Variants in INPP4B observed in about 807,000 individuals in gnomAD.
INPP4B encodes inositol polyphosphate-4-phosphatase type II B, also known as inositol polyphosphate 4-phosphatase type II.
In INPP4B, 55 loss-of-function variants were observed where a neutral mutation model predicts 122.5. That is an observed-to-expected ratio of 0.45 (90% CI 0.36 to 0.56). INPP4B has a LOEUF of 0.56. Among genes scored for constraint, INPP4B ranks in the 20% least tolerant of loss-of-function variants. The pLI is 0.00. For synonymous variants in INPP4B, 403 were observed against 388.7 expected (o/e 1.04, Z -0.43); for missense variants, 1,000 against 1,097.7 (o/e 0.91, Z 1.26).
At chr4:142,545,443 A>T (rs2150050126) in intron 2 of INPP4B, among the ~76,000 whole-genome samples, 1 of 152,220 alleles carries the variant, frequency 6.6e-6, no homozygotes, top group Non-Finnish European at 1.5e-5. Flanking sequence ...AGCTAGTACT[A>T]TGTGACAGAT....
chr4:142,764,597 GA>G (rs1347636572), intron 1 of INPP4B, among the ~76,000 whole-genome samples: 1 of 152,112 alleles, frequency 6.6e-6, no homozygotes, highest in Admixed American at 6.6e-5. Flanking sequence ...GAACATATCA[GA>G]ATTCATAGCA....
chr4:142,537,425 T>TAG (rs1384384001), intron 2 of INPP4B, among the ~76,000 whole-genome samples: 22 of 40,980 alleles, frequency 5.4e-4, no homozygotes, highest in African/African-American at 1.3e-3. Flanking sequence ...TATATATATA[T>TAG]ATATAGAGAG....
chr4:142,565,016 C>T lies in INPP4B; in HGVS notation c.-190-102290G>A, dbSNP rs371760555. Among the ~76,000 whole-genome samples the T allele has an allele frequency of 5.9e-5, 9 of 152,124 alleles. No homozygotes were observed. In the South Asian group the frequency reaches 1.0e-3, roughly 18 times the overall value. ...CAGGATCCAATCCAAACACACACTT[C>T]GCATTTAGTTGTCATGTTTCCTTAG... On this transcript the variant is annotated intron_variant, in intron 2 of 25. Coordinates refer to ENST00000262992, the MANE Select transcript of INPP4B (RefSeq NM_001101669.3).
chr4:142,050,219 A>G (rs1248920064), intron 25 of INPP4B, among the ~76,000 whole-genome samples: 1 of 152,022 alleles, frequency 6.6e-6, no homozygotes, highest in Non-Finnish European at 1.5e-5. Context: ...GAATTGACTT[A>G]GTACAAATGA....
chr4:142,117,055 A>T (rs535378883), intron 21 of INPP4B, among the ~76,000 whole-genome samples: 1 of 152,306 alleles, frequency 6.6e-6, no homozygotes, highest in East Asian at 1.9e-4. Flanking sequence ...TAAACTAGAA[A>T]ATCTAGAAGA....
intron 1 of INPP4B, among the ~76,000 whole-genome samples, chr4:142,752,949 C>T (rs1322842694): frequency 6.6e-6 from 1 of 152,098 alleles, no homozygotes; most frequent in African/African-American, 2.4e-5. Flanking sequence ...TTGAGCCAGG[C>T]ATTGAGTGAC....
intron 14 of INPP4B, among the ~76,000 whole-genome samples, chr4:142,207,020 T>C (rs1403853650): frequency 6.6e-6 from 1 of 152,160 alleles, no homozygotes; most frequent in East Asian, 1.9e-4. Flanking sequence ...TTGACTATTT[T>C]AGATTCCTCA....
chr4:142,131,216 A>G (rs911303873), intron 18 of INPP4B, among the ~76,000 whole-genome samples: 19 of 152,218 alleles, frequency 1.2e-4, no homozygotes, highest in African/African-American at 4.3e-4. Context: ...TGCATAGGTC[A>G]TAGGTCTTTG....
intron 2 of INPP4B, among the ~76,000 whole-genome samples, chr4:142,596,191 G>A (rs1738657461): frequency 6.6e-6 from 1 of 151,996 alleles, no homozygotes; most frequent in Admixed American, 6.6e-5. Context: ...TTATTCCCAT[G>A]TCTGCTTGTC....
rs1259028091 is a variant in INPP4B at position 142,027,653 on chromosome 4, CTGAG to C, written c.*1125_*1128del. On this transcript the variant is annotated 3_prime_UTR_variant, in exon 26 of 26. Transcript: ENST00000262992. ...GTAATTCAAATTCTGCAACTATCTCCTGAGTGATTGGGGGTGATTAACCTTACCC... is the reference window on the plus strand; with the variant it reads ...GTAATTCAAATTCTGCAACTATCTCCTGATTGGGGGTGATTAACCTTACCC... 6.6e-6 allele frequency: 1 copy of C among 152,134 alleles called. No individual in the cohort carries two copies. The highest frequency in any genetic ancestry group is 1.5e-5 in the Non-Finnish European group (1 of 68,022). The allele number at this position is 152,134 out of a possible 1,614,324, so 9.4% of individuals were successfully genotyped here. A position where few individuals can be genotyped will look rare whatever the true frequency, so the allele number is the denominator to read the frequency against.
intron 1 of INPP4B, among the ~76,000 whole-genome samples, chr4:142,764,126 C>T (rs1771739242): frequency 1.3e-5 from 2 of 151,788 alleles, no homozygotes; most frequent in South Asian, 4.2e-4. Context: ...ATTTTTATTC[C>T]CCTTTTTGAC....
intron 1 of INPP4B, among the ~76,000 whole-genome samples, chr4:142,818,546 T>G (rs1470586723): frequency 2.0e-5 from 3 of 152,126 alleles, no homozygotes; most frequent in African/African-American, 7.2e-5. Context: ...ATAATATACT[T>G]CAAAATCTTT....
chr4:142,065,135 C>T (rs1341881074), intron 25 of INPP4B, among the ~76,000 whole-genome samples: 1 of 151,942 alleles, frequency 6.6e-6, no homozygotes, highest in Non-Finnish European at 1.5e-5. Flanking sequence ...AGGCAGTTTA[C>T]ATTGATACAT....
intron 2 of INPP4B, among the ~76,000 whole-genome samples, chr4:142,462,975 G>A (rs1165286576): frequency 6.6e-6 from 1 of 152,160 alleles, no homozygotes; most frequent in Non-Finnish European, 1.5e-5. Context: ...GCTTAAGTGT[G>A]CCAAGTACTA....
intron 2 of INPP4B, among the ~76,000 whole-genome samples, chr4:142,718,515 G>A (rs1764102053): frequency 6.6e-6 from 1 of 152,138 alleles, no homozygotes; most frequent in African/African-American, 2.4e-5. Flanking sequence ...AAGCAAACTT[G>A]TGCGTCCGCA....
chr4:142,555,474 A>G (rs2150095418), intron 2 of INPP4B, among the ~76,000 whole-genome samples: 1 of 152,326 alleles, frequency 6.6e-6, no homozygotes, highest in Non-Finnish European at 1.5e-5. Flanking sequence ...TGTATTTATT[A>G]GACACTGAAT....
intron 18 of INPP4B, among the ~76,000 whole-genome samples, chr4:142,140,595 G>A (rs1000820408): frequency 1.3e-5 from 2 of 152,160 alleles, no homozygotes; most frequent in African/African-American, 4.8e-5. Flanking sequence ...TAGGTCAGTA[G>A]ATATGAAGGA....
At position 142,029,561 on chromosome 4, in the gene INPP4B, C is replaced by T. The variant is rs575758582; in HGVS notation, c.2643-647G>A. 131 of 985,520 alleles carry T rather than the reference C, an allele frequency of 1.3e-4. 1 individual carries two copies. The African/African-American group carries it at 2.0e-3, about 15-fold the overall frequency. The allele number at this position is 985,520 out of a possible 1,614,324, so 61.0% of individuals were successfully genotyped here. On this transcript the variant is annotated intron_variant, in intron 25 of 25. Transcript: ENST00000262992. The stretch of plus-strand genomic sequence containing the variant: ...AAAAGTCCTCTGAAAGCCAAATCAA[C>T]CCAAACAAGAGATACAAACAGGTAA...
At chr4:142,489,133 C>T (rs1349847519) in intron 2 of INPP4B, among the ~76,000 whole-genome samples, 1 of 152,098 alleles carries the variant, frequency 6.6e-6, no homozygotes, top group Admixed American at 6.6e-5. Context: ...TAGTCATGTA[C>T]TACTTAATTT....
Sources: gnomAD v4.1 joint callset for allele counts (sites outside exome capture counted in the v4.1 genomes callset) on GRCh38, gnomAD v4.1.1 for gene constraint, MANE v1.5 for transcripts, NCBI Gene and HGNC (gene_info 2026-07-23, HGNC 2026-07-21) for gene names.